Variants in THSD7B observed in about 807,000 individuals in gnomAD.
The protein encoded by THSD7B is thrombospondin type-1 domain-containing protein 7B.
Under a neutral mutation model 213.6 loss-of-function variants are expected in THSD7B, and 138 were observed. The ratio of observed to expected loss-of-function variants is 0.65; its 90% CI spans 0.56 to 0.74. THSD7B has a LOEUF of 0.74. Among genes scored for constraint, THSD7B ranks in the 30% least tolerant of loss-of-function variants. THSD7B has a pLI of 0.00. For synonymous variants in THSD7B, 742 were observed against 687.0 expected, an observed-to-expected ratio of 1.08 and a Z score of -1.25; for missense variants, 1,931 against 1,991.5, an observed-to-expected ratio of 0.97 and a Z score of 0.58.
intron 7 of THSD7B, among the ~76,000 whole-genome samples, chr2:137,229,559 G>A (rs138457994): frequency 1.8e-4 from 27 of 152,304 alleles, no homozygotes; most frequent in Non-Finnish European, 3.4e-4. Flanking sequence ...GATATTAGCT[G>A]TGCACTATCT....
intron 2 of THSD7B, among the ~76,000 whole-genome samples, chr2:136,983,371 G>GACACACACA (rs1398395384): frequency 2.1e-5 from 3 of 141,112 alleles, no homozygotes; most frequent in South Asian, 4.8e-4. Flanking sequence ...ACACACACAC[G>GACACACACA]CACACACACT....
intron 3 of THSD7B, among the ~76,000 whole-genome samples, chr2:137,071,615 G>T (rs1177932571): frequency 6.6e-6 from 1 of 152,152 alleles, no homozygotes. Context: ...TGGTGTTTTA[G>T]ACATGAAGTC....
At chr2:137,271,695 G>A (rs1444345327) in intron 10 of THSD7B, among the ~76,000 whole-genome samples, 2 of 151,746 alleles carry the variant, frequency 1.3e-5, no homozygotes, top group South Asian at 2.1e-4. Context: ...ATATATGTCT[G>A]CCCCTTTTCT....
intron 2 of THSD7B, among the ~76,000 whole-genome samples, chr2:136,996,617 A>G (rs895934317): frequency 6.6e-6 from 1 of 152,182 alleles, no homozygotes; most frequent in Non-Finnish European, 1.5e-5. Context: ...AAGTGCTGGG[A>G]TTACAGGCGT....
intron 2 of THSD7B, among the ~76,000 whole-genome samples, chr2:136,938,812 G>A (rs1260966481): frequency 6.6e-6 from 1 of 152,150 alleles, no homozygotes; most frequent in African/African-American, 2.4e-5. Flanking sequence ...CTGTAATAGA[G>A]TAATCTGATG....
Position 137,671,446 on chromosome 2 carries a change from A to G in THSD7B, c.4739+3585A>G, listed in dbSNP as rs548725172. 2.1e-5 allele frequency among the ~76,000 whole-genome samples: 3 copies of G among 146,052 alleles called. No individual in the cohort carries two copies. The Admixed American group carries it at 2.1e-4, about 10-fold the overall frequency. ...GCCAAGACTGGGTAATTTATAAAGG[A>G]AAGAGATTTAATTGACTCAACAGTT... On this transcript the variant is annotated intron_variant, in intron 27 of 27. Coordinates refer to ENST00000409968, the MANE Select transcript of THSD7B (RefSeq NM_001316349.2).
In THSD7B at chr2:137,461,122, G is replaced by A. The variant is rs970452106; in HGVS notation, c.3138+10099G>A. 4.0e-5 allele frequency among the ~76,000 whole-genome samples: 6 copies of A among 151,700 alleles called. No homozygotes were observed. In the East Asian group the frequency reaches 1.2e-3, roughly 30 times the overall value. On this transcript the variant is annotated intron_variant, in intron 15 of 27. Coordinates refer to ENST00000409968, the MANE Select transcript of THSD7B (RefSeq NM_001316349.2). ...CATTTTTTCATTTTATTGTTGATGG[G>A]CATTTCGGTTATTTCCAGTCTGGGG...
rs184567898 is a variant in THSD7B at position 137,334,043 on chromosome 2, A to G, written c.2500+58017A>G. 2.4e-4 allele frequency among the ~76,000 whole-genome samples: 37 copies of G among 152,322 alleles called. 1 individual carries two copies. In the East Asian group the frequency reaches 6.9e-3, roughly 29 times the overall value. On this transcript the variant is annotated intron_variant, in intron 12 of 27. Transcript: ENST00000409968. The stretch of plus-strand genomic sequence containing the variant: ...CTCAATTTTGCTATTTAGCATGAAA[A>G]CAACCATAGACAATATGTAGACATG...
intron 15 of THSD7B, among the ~76,000 whole-genome samples, chr2:137,492,674 G>A (rs2105124256): frequency 6.6e-6 from 1 of 152,186 alleles, no homozygotes; most frequent in South Asian, 2.1e-4. Context: ...TAAAACAATG[G>A]TTACTTTTTA....
intron 14 of THSD7B, among the ~76,000 whole-genome samples, chr2:137,428,096 A>G (rs1386036367): frequency 1.3e-5 from 2 of 152,194 alleles, no homozygotes; most frequent in Non-Finnish European, 2.9e-5. Flanking sequence ...AATTCTTACA[A>G]GACAACAAAT....
At chr2:136,781,210 A>T (rs13405652) in intron 1 of THSD7B, among the ~76,000 whole-genome samples, 3,260 of 151,464 alleles carry the variant, frequency 0.022, 123 homozygotes, top group African/African-American at 0.075. Context: ...ACACAAATTA[A>T]TTTGTATTTT....
chr2:137,676,246 G>GT (rs1683696439), intron 27 of THSD7B, among the ~76,000 whole-genome samples: 1 of 152,136 alleles, frequency 6.6e-6, no homozygotes, highest in African/African-American at 2.4e-5. Flanking sequence ...AGACGTTCCT[G>GT]TTGTTGTGTA....
intron 5 of THSD7B, among the ~76,000 whole-genome samples, chr2:137,127,133 G>C (rs1445507238): frequency 1.3e-5 from 2 of 152,126 alleles, no homozygotes; most frequent in Non-Finnish European, 2.9e-5. Context: ...CACAAAGCGG[G>C]CACATGCTGT....
chr2:136,933,612 T>G (rs1684669908), intron 2 of THSD7B, among the ~76,000 whole-genome samples: 1 of 152,000 alleles, frequency 6.6e-6, no homozygotes, highest in African/African-American at 2.4e-5. Context: ...AAATTCTTAG[T>G]TTGTGAAGAG....
At chr2:137,101,754 A>G (rs191968139) in intron 4 of THSD7B, among the ~76,000 whole-genome samples, 2 of 152,166 alleles carry the variant, frequency 1.3e-5, no homozygotes, top group Non-Finnish European at 2.9e-5. Flanking sequence ...TTCCCCTCAC[A>G]GTGTAAACAA....
chr2:137,222,599 C>T (rs1369728545), intron 7 of THSD7B, among the ~76,000 whole-genome samples: 4 of 152,152 alleles, frequency 2.6e-5, no homozygotes, highest in African/African-American at 7.2e-5. Context: ...GCAAGAAACC[C>T]TCCCCCTGTT....
intron 2 of THSD7B, among the ~76,000 whole-genome samples, chr2:137,021,477 A>G (rs1686444882): frequency 1.3e-5 from 2 of 152,174 alleles, no homozygotes; most frequent in African/African-American, 4.8e-5. Context: ...CTGATATTTG[A>G]TTCAGTTACT....
chr2:137,265,278 C>T (rs953270409), intron 10 of THSD7B, among the ~76,000 whole-genome samples: 1 of 152,126 alleles, frequency 6.6e-6, no homozygotes, highest in Admixed American at 6.5e-5. Context: ...CATCTCACAC[C>T]AGTTAGAATG....
At chr2:137,568,871 A>T (rs1277143649) in intron 16 of THSD7B, among the ~76,000 whole-genome samples, 2 of 152,188 alleles carry the variant, frequency 1.3e-5, no homozygotes, top group Non-Finnish European at 2.9e-5. Context: ...AAACCTAGTG[A>T]AACAGGAATG....
Sources: gnomAD v4.1 joint callset for allele counts (sites outside exome capture counted in the v4.1 genomes callset) on GRCh38, gnomAD v4.1.1 for gene constraint, MANE v1.5 for transcripts, NCBI Gene and HGNC (gene_info 2026-07-23, HGNC 2026-07-21) for gene names.